Variants in EPHA3 observed in about 807,000 individuals in gnomAD.
EPHA3 encodes the protein ephrin type-A receptor 3.
Under a neutral mutation model 107.1 loss-of-function variants are expected in EPHA3, and 42 were observed. The ratio of observed to expected loss-of-function variants is 0.39; its 90% CI spans 0.31 to 0.51. EPHA3 has a LOEUF of 0.51. EPHA3 is among the 20% of genes least tolerant of loss of function. EPHA3 has a pLI of 0.78. For missense variants in EPHA3, 1,183 were observed against 1,211.2 expected, an observed-to-expected ratio of 0.98 and a Z score of 0.35; for synonymous variants, 461 against 424.8, an observed-to-expected ratio of 1.09 and a Z score of -1.05.
chr3:89,256,758 A>G (rs990754668), intron 3 of EPHA3, among the ~76,000 whole-genome samples: 2 of 152,180 alleles, frequency 1.3e-5, no homozygotes, highest in African/African-American at 4.8e-5. Flanking sequence ...ATGTTAAGCA[A>G]TTACATTGCT....
chr3:89,282,587 G>T (rs1705974648), intron 3 of EPHA3, among the ~76,000 whole-genome samples: 1 of 151,630 alleles, frequency 6.6e-6, no homozygotes, highest in African/African-American at 2.4e-5. Flanking sequence ...TTAATAACAG[G>T]CCATAATTTT....
chr3:89,380,816 TG>T (rs1708487889), intron 5 of EPHA3, among the ~76,000 whole-genome samples: 1 of 151,004 alleles, frequency 6.6e-6, no homozygotes, highest in Non-Finnish European at 1.5e-5. Flanking sequence ...TTGCCCAAGC[TG>T]GGGGGCAGTG....
chr3:89,213,740 A>G (rs933812822), intron 3 of EPHA3, among the ~76,000 whole-genome samples: 1 of 151,984 alleles, frequency 6.6e-6, no homozygotes, highest in African/African-American at 2.4e-5. Context: ...GTAGATGCTG[A>G]AATAAATGTG....
intron 3 of EPHA3, among the ~76,000 whole-genome samples, chr3:89,268,405 G>C (rs934858575): frequency 6.6e-6 from 1 of 152,018 alleles, no homozygotes; most frequent in Non-Finnish European, 1.5e-5. Context: ...CAATAAGAAA[G>C]GTTCGCTCAT....
chr3:89,334,985 C>T (rs375934679), intron 3 of EPHA3, among the ~76,000 whole-genome samples: 11 of 152,248 alleles, frequency 7.2e-5, no homozygotes, highest in East Asian at 1.9e-4. Flanking sequence ...CATATAAAAA[C>T]GTATCTTGCA....
intron 2 of EPHA3, among the ~76,000 whole-genome samples, chr3:89,177,315 T>A (rs1576206698): frequency 6.6e-6 from 1 of 152,182 alleles, no homozygotes. Context: ...TGGTGTGCAC[T>A]GACAACTGAG....
rs1710627260 is a variant in EPHA3 at position 89,481,933 on chromosome 3, A to G, written c.*2431A>G. 4.4e-6 allele frequency: 1 copy of G among 226,694 alleles called. No individual in the cohort carries two copies. Among genetic ancestry groups the G allele is most frequent in the South Asian group, 1.8e-4 (1 of 5,466 alleles). 14.0% of individuals were successfully genotyped at this position (226,694 alleles called of 1,614,324 possible). On this transcript the variant is annotated 3_prime_UTR_variant, in exon 17 of 17. Transcript: ENST00000336596. ...TTATTTCTGGTAACTCACTCAGTTT[A>G]TGCTGTGCTAAATATCAATCAAGCC...
chr3:89,451,713 G>A lies in EPHA3; in HGVS notation c.2690+1343G>A, dbSNP rs543212112. ...TCATTCTGCCTTCTTTGCATAACCA[G>A]TTGCTTCTCAATATCGCTTCTCAAC... On this transcript the variant is annotated intron_variant, in intron 15 of 16. Coordinates refer to ENST00000336596, the MANE Select transcript of EPHA3 (RefSeq NM_005233.6). Among the ~76,000 whole-genome samples the A allele has an allele frequency of 1.8e-4, 28 of 152,194 alleles. No homozygotes were observed. The South Asian group carries it at 5.8e-3, about 32-fold the overall frequency.
intron 5 of EPHA3, among the ~76,000 whole-genome samples, chr3:89,359,826 TATATATAC>T (rs1310536293): frequency 6.9e-6 from 1 of 144,496 alleles, no homozygotes; most frequent in Admixed American, 7.2e-5. Flanking sequence ...TATATACATA[TATATATAC>T]ATATATATAT....
At chr3:89,391,383 T>TTTTCC (rs1559677721) in intron 5 of EPHA3, among the ~76,000 whole-genome samples, 1 of 82,198 alleles carries the variant, frequency 1.2e-5, no homozygotes, top group African/African-American at 4.4e-5. Flanking sequence ...ATTTGTATTT[T>TTTTCC]TTTCTTTTCT....
At chr3:89,286,570 G>A (rs993080263) in intron 3 of EPHA3, among the ~76,000 whole-genome samples, 6 of 152,122 alleles carry the variant, frequency 3.9e-5, no homozygotes, top group African/African-American at 1.4e-4. Context: ...TGAAAGTAGA[G>A]TTGACATGTT....
At chr3:89,215,333 T>G (rs1444675588) in intron 3 of EPHA3, among the ~76,000 whole-genome samples, 1 of 151,930 alleles carries the variant, frequency 6.6e-6, no homozygotes, top group Non-Finnish European at 1.5e-5. Flanking sequence ...AGTAAAAACT[T>G]ATTTTTTAAT....
Position 89,121,022 on chromosome 3 carries a change from G to A in EPHA3, c.89-6187G>A, listed in dbSNP as rs1192085659. Reference sequence around the variant, plus strand: ...TGGGAGGCCGAGGCCGGCGGTTCACGAGGTCAGGAGATCAAGACCATCCTG... The same window carrying A: ...TGGGAGGCCGAGGCCGGCGGTTCACAAGGTCAGGAGATCAAGACCATCCTG... On this transcript the variant is annotated intron_variant, in intron 1 of 16. Coordinates refer to ENST00000336596, the MANE Select transcript of EPHA3 (RefSeq NM_005233.6). 5.3e-5 allele frequency among the ~76,000 whole-genome samples: 8 copies of A among 152,002 alleles called. No homozygotes were observed. In the East Asian group the frequency reaches 1.4e-3, roughly 26 times the overall value.
At chr3:89,143,549 C>T (rs780490508) in intron 2 of EPHA3, among the ~76,000 whole-genome samples, 9 of 151,484 alleles carry the variant, frequency 5.9e-5, no homozygotes, top group Non-Finnish European at 1.2e-4. Context: ...TTCATTCTAG[C>T]TGTCAATTAT....
At chr3:89,421,806 T>C (rs1281943121) in intron 11 of EPHA3, among the ~76,000 whole-genome samples, 1 of 151,330 alleles carries the variant, frequency 6.6e-6, no homozygotes, top group East Asian at 1.9e-4. Flanking sequence ...TAGATTATGG[T>C]AGACTGACAA....
At chr3:89,116,892 A>T (rs1707270852) in intron 1 of EPHA3, among the ~76,000 whole-genome samples, 1 of 152,018 alleles carries the variant, frequency 6.6e-6, no homozygotes, top group South Asian at 2.1e-4. Flanking sequence ...TTGATTTTTT[A>T]TATTCATATT....
chr3:89,194,419 A>G (rs1428700212), intron 2 of EPHA3, among the ~76,000 whole-genome samples: 1 of 152,014 alleles, frequency 6.6e-6, no homozygotes, highest in Non-Finnish European at 1.5e-5. Context: ...GCACTTGAAC[A>G]GGTCTAAGAG....
At chr3:89,165,314 C>T (rs765554444) in intron 2 of EPHA3, among the ~76,000 whole-genome samples, 23 of 152,096 alleles carry the variant, frequency 1.5e-4, no homozygotes, top group South Asian at 4.1e-4. Flanking sequence ...AGAATTAAAA[C>T]GAAATGTCAT....
At chr3:89,114,591 G>A (rs1707208387) in intron 1 of EPHA3, among the ~76,000 whole-genome samples, 1 of 152,200 alleles carries the variant, frequency 6.6e-6, no homozygotes, top group Non-Finnish European at 1.5e-5. Context: ...CGCGACCAGG[G>A]TGCCACGGCC....
Sources: allele counts gnomAD v4.1 joint callset (sites outside exome capture counted in the v4.1 genomes callset), GRCh38; gene constraint gnomAD v4.1.1; transcripts MANE v1.5; gene names NCBI Gene and HGNC (gene_info 2026-07-23, HGNC 2026-07-21).